The following ECHS1 variants were observed in gnomAD, a reference collection of about 807,000 sequenced individuals.
The protein encoded by ECHS1 is enoyl-CoA hydratase, short chain 1.
A neutral mutation model predicts 33.5 loss-of-function variants in ECHS1; 19 were observed. That is an observed-to-expected ratio of 0.57 (90% CI 0.40 to 0.83). ECHS1 has a LOEUF of 0.83. Ranked by LOEUF, ECHS1 falls within the 40% of genes least tolerant of loss-of-function variation. The pLI, the probability that ECHS1 is intolerant of heterozygous loss-of-function variation, is 0.00. For synonymous variants in ECHS1, 158 were observed against 146.6 expected, an observed-to-expected ratio of 1.08 and a Z score of -0.56; for missense variants, 365 against 381.3, an observed-to-expected ratio of 0.96 and a Z score of 0.36.
At chr10:133,369,226 G>A (rs1002370758) in intron 3 of ECHS1, among the ~76,000 whole-genome samples, 7 of 152,178 alleles carry the variant, frequency 4.6e-5, no homozygotes, top group Non-Finnish European at 1.0e-4. Flanking sequence ...CAAACATCCT[G>A]TAAAGGACCA....
chr10:133,365,538 G>C (rs1242707145), intron 6 of ECHS1, among the ~76,000 whole-genome samples: 7 of 152,264 alleles, frequency 4.6e-5, no homozygotes, highest in Admixed American at 1.3e-4. Context: ...AGAACTAAAA[G>C]GGATCCAGGC....
Position 133,373,349 on chromosome 10 carries a change from T to G in ECHS1, c.-16A>C. Reference sequence around the variant, plus strand: ...GGGCGGCCATGGCTCTCTGGACTCCTCGCCCGGCCCCGCGGAGCCGCCCCC... The same window carrying G: ...GGGCGGCCATGGCTCTCTGGACTCCGCGCCCGGCCCCGCGGAGCCGCCCCC... On this transcript the variant is annotated 5_prime_UTR_variant, in exon 1 of 8. Transcript: ENST00000368547. 6.7e-7 allele frequency: 1 copy of G among 1,492,008 alleles called. No homozygotes were observed. Among genetic ancestry groups the G allele is most frequent in the South Asian group, 1.2e-5 (1 of 80,412 alleles). The allele number at this position is 1,492,008 out of a possible 1,614,324, so 92.4% of individuals were successfully genotyped here.
Position 133,362,518 on chromosome 10 carries a change from G to C in ECHS1, c.*350C>G. 1 of 356,012 alleles carries C rather than the reference G, an allele frequency of 2.8e-6. No individual in the cohort carries two copies. The highest frequency in any genetic ancestry group is 5.2e-6 in the Non-Finnish European group (1 of 191,478). 22.1% of individuals were successfully genotyped at this position (356,012 alleles called of 1,614,324 possible). A position where few individuals can be genotyped will look rare whatever the true frequency, so the allele number is the denominator to read the frequency against. ...ATCGCTATCACTTTAATCAGCATCT[G>C]TATGAAGGCAGCAGACAGCGTTTCC... is the stretch of plus-strand genomic sequence containing the variant. On this transcript the variant is annotated 3_prime_UTR_variant, in exon 8 of 8. Coordinates refer to ENST00000368547, the MANE Select transcript of ECHS1 (RefSeq NM_004092.4).
At chr10:133,363,948 G>C (rs1285183420) in intron 7 of ECHS1, among the ~76,000 whole-genome samples, 1 of 151,274 alleles carries the variant, frequency 6.6e-6, no homozygotes, top group Non-Finnish European at 1.5e-5. Flanking sequence ...GGTAAAATGA[G>C]TTACATTTTT....
At chr10:133,368,617 C>A (rs1849063464) in intron 4 of ECHS1, among the ~76,000 whole-genome samples, 1 of 152,164 alleles carries the variant, frequency 6.6e-6, no homozygotes, top group Non-Finnish European at 1.5e-5. Flanking sequence ...TCACCATGTT[C>A]CCTCTCTGCC....
chr10:133,370,802 A>G, intron 1 of ECHS1, 45 bp from the exon 2 acceptor site: 3 of 1,569,132 alleles, frequency 1.9e-6, no homozygotes, highest in Non-Finnish European at 2.6e-6. Context: ...CACAGGTATC[A>G]AACTGGGGAG....
At chr10:133,368,781 C>G in intron 4 of ECHS1, 142 bp downstream of exon 4, 1 of 709,140 alleles carries the variant, frequency 1.4e-6, no homozygotes, top group Non-Finnish European at 2.3e-6. Context: ...GCCTCCGTGG[C>G]TGTCCACAGA....
rs774760601 is a variant in ECHS1, at chr10:133,362,838, G to A, written c.*30C>T. On this transcript the variant is annotated 3_prime_UTR_variant, in exon 8 of 8. Transcript: ENST00000368547. ...GACAGGCTGCACTTGTCCTCTCCAA[G>A]CAGAGGTGTGAAGCAGGGGCAGCTG... 1.2e-6 allele frequency: 2 copies of A among 1,611,456 alleles called. No homozygotes were observed. Among genetic ancestry groups the A allele is most frequent in the African/African-American group, 2.7e-5 (2 of 74,894 alleles).
chr10:133,369,565 GA>G (rs1476470476), intron 3 of ECHS1, among the ~76,000 whole-genome samples: 7 of 152,246 alleles, frequency 4.6e-5, no homozygotes, highest in Non-Finnish European at 4.4e-5. Context: ...TATAGGCCAA[GA>G]TCAGTCTCAG....
At chr10:133,369,143 A>G in intron 3 of ECHS1, 121 bp from the exon 4 acceptor site, 1 of 802,736 alleles carries the variant, frequency 1.2e-6, no homozygotes, top group Non-Finnish European at 2.0e-6. Flanking sequence ...AAAGACTAAC[A>G]TGGTGGCACC....
chr10:133,370,899 T>A (rs1486304456), intron 1 of ECHS1, 142 bp from the exon 2 acceptor site: 3 of 693,758 alleles, frequency 4.3e-6, no homozygotes, highest in Non-Finnish European at 4.7e-6. Context: ...CCTCAGTGGC[T>A]CCAGGTGTAG....
At chr10:133,372,650 G>GGTGAGAGTGGCCTC (rs1311140478) in intron 1 of ECHS1, among the ~76,000 whole-genome samples, 2 of 150,602 alleles carry the variant, frequency 1.3e-5, no homozygotes, top group Admixed American at 6.6e-5. Flanking sequence ...GACGTGGCCT[G>GGTGAGAGTGGCCTC]GTGAGAGTGG....
chr10:133,364,235 C>T lies in ECHS1; in HGVS notation c.807+423G>A, dbSNP rs548931408. The stretch of plus-strand genomic sequence containing the variant: ...GCTGGGATTACAGGGTGAGCCACCG[C>T]GCCCGGCCTCATTTTTTAAAAAAGT... On this transcript the variant is annotated intron_variant, in intron 7 of 7. Coordinates refer to ENST00000368547, the MANE Select transcript of ECHS1 (RefSeq NM_004092.4). 9.9e-5 allele frequency among the ~76,000 whole-genome samples: 15 copies of T among 152,282 alleles called. No individual in the cohort carries two copies. In the South Asian group the frequency reaches 1.2e-3, roughly 13 times the overall value.
chr10:133,371,527 G>A (rs1048925558), intron 1 of ECHS1: 1 of 154,584 alleles, frequency 6.5e-6, no homozygotes, highest in African/African-American at 2.4e-5. Context: ...GACGCAGGGT[G>A]GGGGATGTGA....
At position 133,369,942 on chromosome 10, in the gene ECHS1, C is replaced by T. The variant is rs1849082200; in HGVS notation, c.376G>A (p.Val126Ile). The change falls in exon 3 of 8, where the codon GTC (valine) becomes ATC (isoleucine). Residue 126 changes from valine (V) to isoleucine (I), a missense_variant. Val to Ile is a conservative substitution (Grantham distance 29). Transcript: ENST00000368547. The part of the protein sequence containing the change: ...FLKHWDHLTQ[V>I]KKPVIAAVNG... ...ACAGCAGCGATGACTGGCTTCTTGACCTGGGTGAGGTGGTCCCAGTGCTTC... is the reference window on the plus strand; with the variant it reads ...ACAGCAGCGATGACTGGCTTCTTGATCTGGGTGAGGTGGTCCCAGTGCTTC... 1 of 1,613,810 alleles carries T rather than the reference C, an allele frequency of 6.2e-7. No individual in the cohort carries two copies. The highest frequency in any genetic ancestry group is 8.5e-7 in the Non-Finnish European group (1 of 1,179,974).
At chr10:133,365,182 A>G (rs1589880111) in intron 6 of ECHS1, among the ~76,000 whole-genome samples, 2 of 152,230 alleles carry the variant, frequency 1.3e-5, no homozygotes, top group Non-Finnish European at 2.9e-5. Context: ...GAGCAGATCC[A>G]GGTGCGCAGA....
At chr10:133,369,772 C>A (rs1849080152) in intron 3 of ECHS1, 132 bp downstream of exon 3, 1 of 1,310,002 alleles carries the variant, frequency 7.6e-7, no homozygotes, top group Non-Finnish European at 1.0e-6. Context: ...CTCTTTAGCA[C>A]CATGAGGCAG....
chr10:133,370,033 T>A lies in ECHS1; in HGVS notation c.287-2A>T. The A allele has an allele frequency of 6.2e-7, 1 of 1,613,686 alleles. No individual in the cohort carries two copies. Among genetic ancestry groups the A allele is most frequent in the Non-Finnish European group, 8.5e-7 (1 of 1,179,924 alleles). On this transcript the variant is annotated splice_acceptor_variant, in intron 2 of 7. Coordinates refer to ENST00000368547, the MANE Select transcript of ECHS1 (RefSeq NM_004092.4). LOFTEE classifies it high-confidence loss of function. ...GCATTTCCTTGATATCAGCTCCAGC[T>A]AGCAGGAGTGGAAAGGAGGTTCCAG... is the stretch of plus-strand genomic sequence containing the variant.
At chr10:133,363,342 G>GGT (rs540639464) in intron 7 of ECHS1, among the ~76,000 whole-genome samples, 94 of 81,232 alleles carry the variant, frequency 1.2e-3, no homozygotes, top group African/African-American at 4.2e-3. Flanking sequence ...TGTGTCCCCA[G>GGT]GTGTGCGCGC....
Sources: gnomAD v4.1 joint callset for allele counts (sites outside exome capture counted in the v4.1 genomes callset) on GRCh38, gnomAD v4.1.1 for gene constraint, MANE v1.5 for transcripts, NCBI Gene and HGNC (gene_info 2026-07-23, HGNC 2026-07-21) for gene names.